The following SLC9A4 variants were observed in gnomAD, a reference collection of about 807,000 sequenced individuals.
SLC9A4 encodes sodium/hydrogen exchanger 4.
SLC9A4 carries 63 observed loss-of-function variants against 67.4 expected under a neutral mutation model. The observed-to-expected ratio is 0.93, with a 90% CI of 0.76 to 1.15. The LOEUF is 1.15. SLC9A4 is among the 50% of genes most tolerant of loss of function. The probability of loss-of-function intolerance (pLI) is 0.00; values close to 1 mark genes in which losing one functional copy is unlikely to be tolerated. For missense variants in SLC9A4, 1,089 were observed against 987.7 expected (o/e 1.10, Z -1.38); for synonymous variants, 393 against 367.2 (o/e 1.07, Z -0.80).
At chr2:102,484,254 C>A (rs751931224) in intron 2 of SLC9A4, among the ~76,000 whole-genome samples, 1 of 152,228 alleles carries the variant, frequency 6.6e-6, no homozygotes, top group South Asian at 2.1e-4. Flanking sequence ...TCCCTCCTCC[C>A]AAACTTTTTC....
At chr2:102,488,427 A>G (rs895169270) in intron 2 of SLC9A4, among the ~76,000 whole-genome samples, 1 of 152,036 alleles carries the variant, frequency 6.6e-6, no homozygotes, top group East Asian at 1.9e-4. Context: ...GAAGCCATTG[A>G]CCCTGACTCC....
rs1230052988 is a variant in SLC9A4, at chr2:102,533,831, T to G, written c.*1143T>G. The G allele has an allele frequency of 1.3e-5, 2 of 151,702 alleles. No individual in the cohort carries two copies. Among genetic ancestry groups the G allele is most frequent in the Non-Finnish European group, 2.9e-5 (2 of 67,942 alleles). 9.4% of individuals were successfully genotyped at this position (151,702 alleles called of 1,614,324 possible). ...CTACAAAGGACATGAACTCATCATT[T>G]TTTATGGCTGCATGGTATTCCATGG... On this transcript the variant is annotated 3_prime_UTR_variant, in exon 12 of 12. Coordinates refer to ENST00000295269, the MANE Select transcript of SLC9A4 (RefSeq NM_001011552.4).
At chr2:102,526,545 T>C (rs1292801810) in intron 11 of SLC9A4, among the ~76,000 whole-genome samples, 199 bp downstream of exon 11, 1 of 152,252 alleles carries the variant, frequency 6.6e-6, no homozygotes, top group Non-Finnish European at 1.5e-5. Flanking sequence ...GTATAATTTT[T>C]ACTTTTCATG....
intron 2 of SLC9A4, among the ~76,000 whole-genome samples, chr2:102,487,941 C>T (rs1684621446): frequency 6.6e-6 from 1 of 152,224 alleles, no homozygotes; most frequent in South Asian, 2.1e-4. Flanking sequence ...AGCTTCATCT[C>T]CTGCCTTTGA....
At position 102,490,096 on chromosome 2, in the gene SLC9A4, GT is replaced by G. The variant is rs879423774; in HGVS notation, c.720+10806del. ...TATGTTGTGACTCTTAACTTCCAAC[GT>G]TTTTTTTTTTTAACTTGACAGTAAA... On this transcript the variant is annotated intron_variant, in intron 2 of 11. Coordinates refer to ENST00000295269, the MANE Select transcript of SLC9A4 (RefSeq NM_001011552.4). 5.5e-3 allele frequency among the ~76,000 whole-genome samples: 797 copies of G among 144,742 alleles called. 5 individuals are homozygous for G. Among genetic ancestry groups the G allele is most frequent in the African/African-American group, 0.017 (676 of 39,672 alleles). 95.0% of individuals were successfully genotyped at this position (144,742 alleles called of 152,430 possible). A position where few individuals can be genotyped will look rare whatever the true frequency, so the allele number is the denominator to read the frequency against.
intron 6 of SLC9A4, among the ~76,000 whole-genome samples, chr2:102,509,622 A>G (rs1685118347): frequency 6.6e-6 from 1 of 152,182 alleles, no homozygotes; most frequent in South Asian, 2.1e-4. Context: ...CATCAATTCA[A>G]AATCCAAAAT....
rs546414662 is a variant in SLC9A4 at position 102,504,216 on chromosome 2, C to A, written c.980+509C>A. 2.0e-5 allele frequency among the ~76,000 whole-genome samples: 3 copies of A among 152,260 alleles called. No homozygotes were observed. The South Asian group carries it at 6.2e-4, about 32-fold the overall frequency. On this transcript the variant is annotated intron_variant, in intron 3 of 11. Coordinates refer to ENST00000295269, the MANE Select transcript of SLC9A4 (RefSeq NM_001011552.4). ...TACAGGTACTGGCCACCACGCCCGG[C>A]TAATTTTTTGTATTTTTAGTGGCGA...
intron 1 of SLC9A4, among the ~76,000 whole-genome samples, chr2:102,476,372 A>C (rs574300204): frequency 2.3e-4 from 35 of 152,348 alleles, no homozygotes; most frequent in African/African-American, 7.9e-4. Context: ...GTAAATTTTA[A>C]ATGATTGACT....
chr2:102,513,093 CAGGG>C (rs1685199136), intron 7 of SLC9A4, among the ~76,000 whole-genome samples: 1 of 152,100 alleles, frequency 6.6e-6, no homozygotes. Context: ...AGAAGAAAGT[CAGGG>C]AGGGTGTTAT....
In SLC9A4 at chr2:102,502,069, T is replaced by C. The variant is rs189957007; in HGVS notation, c.721-1379T>C. ...GCTTCCGTCCTCTGCTCTGATTTTT[T>C]GCATTTTTCCTGGTGTAGATAGATG... On this transcript the variant is annotated intron_variant, in intron 2 of 11. Transcript: ENST00000295269. Among the ~76,000 whole-genome samples, 358 of 152,274 alleles carry C rather than the reference T, an allele frequency of 2.4e-3. 2 individuals are homozygous for C. Among genetic ancestry groups the C allele is most frequent in the African/African-American group, 7.7e-3 (318 of 41,554 alleles).
At chr2:102,475,430 T>A (rs2104409969) in intron 1 of SLC9A4, among the ~76,000 whole-genome samples, 1 of 152,358 alleles carries the variant, frequency 6.6e-6, no homozygotes, top group African/African-American at 2.4e-5. Context: ...GACTAGCTAG[T>A]TGCTCTGTTT....
intron 1 of SLC9A4, among the ~76,000 whole-genome samples, chr2:102,477,760 A>C (rs1012202822): frequency 3.9e-5 from 6 of 152,212 alleles, no homozygotes; most frequent in Non-Finnish European, 5.9e-5. Flanking sequence ...ATAGGCCTTC[A>C]GAGTGACAAG....
At chr2:102,490,132 G>A (rs1684666002) in intron 2 of SLC9A4, among the ~76,000 whole-genome samples, 1 of 151,726 alleles carries the variant, frequency 6.6e-6, no homozygotes, top group African/African-American at 2.4e-5. Flanking sequence ...AACAAATAAA[G>A]GGTCAGTAAT....
chr2:102,493,285 T>C (rs1445379155), intron 2 of SLC9A4, among the ~76,000 whole-genome samples: 1 of 149,908 alleles, frequency 6.7e-6, no homozygotes, highest in African/African-American at 2.5e-5. Flanking sequence ...TACCCCACTC[T>C]ACCTGTACCA....
chr2:102,480,634 T>G (rs758294906), intron 2 of SLC9A4, among the ~76,000 whole-genome samples: 3 of 152,236 alleles, frequency 2.0e-5, no homozygotes, highest in Non-Finnish European at 4.4e-5. Context: ...CTCTTTGCAT[T>G]CGTATTTTTA....
intron 2 of SLC9A4, among the ~76,000 whole-genome samples, chr2:102,481,602 T>TA (rs753186564): frequency 3.3e-5 from 5 of 151,926 alleles, no homozygotes; most frequent in South Asian, 4.2e-4. Flanking sequence ...TTCACTTGCT[T>TA]AAAAAAAAGA....
intron 9 of SLC9A4, among the ~76,000 whole-genome samples, chr2:102,522,499 G>T (rs1685448646): frequency 6.6e-6 from 1 of 152,104 alleles, no homozygotes; most frequent in Non-Finnish European, 1.5e-5. Context: ...TGGGTCATGG[G>T]AGGTTATGGG....
intron 2 of SLC9A4, among the ~76,000 whole-genome samples, chr2:102,480,360 G>C (rs960109659): frequency 1.4e-5 from 2 of 143,988 alleles, no homozygotes; most frequent in Admixed American, 7.0e-5. Flanking sequence ...TCCGTGTCTT[G>C]TTTTTTTTTT....
chr2:102,532,450 G>A lies in SLC9A4; in HGVS notation c.2159G>A (p.Arg720Lys), dbSNP rs769775586. The change falls in exon 12 of 12, where the codon AGG becomes AAG. Residue 720 changes from arginine (R) to lysine (K), a missense_variant. By Grantham distance (26) the Arg-to-Lys change is conservative (BLOSUM62 2). Transcript: ENST00000295269. ...CCAATGAAGAGCCTACACAGAGGAA[G>A]GAAGGCATTCAGCTTTGGTTATCAA... ...IIPMKSLHRG[R>K]KAFSFGYQRN... The A allele has an allele frequency of 6.2e-7, 1 of 1,614,214 alleles. No individual in the cohort carries two copies. Among genetic ancestry groups the A allele is most frequent in the South Asian group, 1.1e-5 (1 of 91,086 alleles).
Sources: allele counts gnomAD v4.1 joint callset (sites outside exome capture counted in the v4.1 genomes callset), GRCh38; gene constraint gnomAD v4.1.1; transcripts MANE v1.5; gene names NCBI Gene and HGNC (gene_info 2026-07-23, HGNC 2026-07-21).